The following NRCAM variants were observed in gnomAD, a reference collection of about 807,000 sequenced individuals.
NRCAM encodes neuronal cell adhesion molecule, also known as NgCAM-related cell adhesion molecule.
A neutral mutation model predicts 156.5 loss-of-function variants in NRCAM; 83 were observed. The observed-to-expected ratio is 0.53, with a 90% confidence interval of 0.44 to 0.64. The LOEUF (loss-of-function observed/expected upper bound fraction) is 0.64, where lower values mean the gene tolerates loss of function less well. NRCAM is among the 30% of genes least tolerant of loss of function. The probability of loss-of-function intolerance (pLI) is 0.00; values close to 1 mark genes in which losing one functional copy is unlikely to be tolerated. For missense variants in NRCAM, 1,417 were observed against 1,597.3 expected (o/e 0.89, Z 1.92); for synonymous variants, 538 against 563.9 (o/e 0.95, Z 0.65).
chr7:108,150,540 C>T (rs1435317642), intron 32 of NRCAM, among the ~76,000 whole-genome samples: 1 of 152,064 alleles, frequency 6.6e-6, no homozygotes, highest in Non-Finnish European at 1.5e-5. Flanking sequence ...TGTTAAACTG[C>T]ATAATATCTC....
intron 3 of NRCAM, among the ~76,000 whole-genome samples, chr7:108,260,951 G>C (rs888358870): frequency 3.3e-5 from 5 of 152,082 alleles, no homozygotes; most frequent in Non-Finnish European, 7.4e-5. Context: ...GTATCAATAA[G>C]AATCAACTGG....
chr7:108,439,372 T>G (rs1424345747), intron 1 of NRCAM, among the ~76,000 whole-genome samples: 1 of 152,150 alleles, frequency 6.6e-6, no homozygotes, highest in Non-Finnish European at 1.5e-5. Context: ...GAAAATATTT[T>G]TACAAAACAA....
At chr7:108,401,199 C>T (rs552223763) in intron 1 of NRCAM, among the ~76,000 whole-genome samples, 20 of 152,244 alleles carry the variant, frequency 1.3e-4, no homozygotes, top group African/African-American at 4.6e-4. Context: ...GAGATGGCGC[C>T]ACTGCACCAG....
chr7:108,349,257 T>C (rs1387976707), intron 2 of NRCAM, among the ~76,000 whole-genome samples: 1 of 152,042 alleles, frequency 6.6e-6, no homozygotes, highest in African/African-American at 2.4e-5. Flanking sequence ...TCTTTAAATT[T>C]GTGTAGTTAT....
Position 108,191,131 on chromosome 7 carries a change from C to G in NRCAM, c.1933+123G>C, listed in dbSNP as rs188610064. ...GTAAATGGGTGACACAACATAACAA[C>G]TGACAGAGACCTTTTCCTTAAGAAA... On this transcript the variant is annotated intron_variant, in intron 19 of 32. Transcript: ENST00000379028. The G allele has an allele frequency of 4.5e-4, 317 of 705,720 alleles. No homozygotes were observed. The African/African-American group carries it at 5.2e-3, about 12-fold the overall frequency. 43.7% of individuals were successfully genotyped at this position (705,720 alleles called of 1,614,324 possible).
chr7:108,419,041 C>T (rs939632588), intron 1 of NRCAM, among the ~76,000 whole-genome samples: 1 of 152,170 alleles, frequency 6.6e-6, no homozygotes, highest in African/African-American at 2.4e-5. Context: ...TTCACACACA[C>T]ACACAAAAAA....
chr7:108,297,967 T>G (rs2098484669), intron 3 of NRCAM, among the ~76,000 whole-genome samples: 1 of 152,164 alleles, frequency 6.6e-6, no homozygotes, highest in South Asian at 2.1e-4. Flanking sequence ...AAAGACCCTG[T>G]GGTGGGAGCA....
intron 28 of NRCAM, among the ~76,000 whole-genome samples, chr7:108,170,815 C>A (rs574944075): frequency 6.6e-6 from 1 of 151,428 alleles, no homozygotes; most frequent in African/African-American, 2.4e-5. Context: ...ACTTAGAGAA[C>A]GAGTGTAGAA....
chr7:108,274,134 T>C (rs2097493991), intron 3 of NRCAM, among the ~76,000 whole-genome samples: 1 of 152,238 alleles, frequency 6.6e-6, no homozygotes, highest in African/African-American at 2.4e-5. Context: ...ACTGTTTTGG[T>C]TACTGTAGCC....
chr7:108,161,781 TA>T (rs111958316), intron 30 of NRCAM, among the ~76,000 whole-genome samples: 24,278 of 151,846 alleles, frequency 0.16, 2,593 homozygotes, highest in African/African-American at 0.31. Flanking sequence ...AGAGGAAGGT[TA>T]AAAAAAATAT....
intron 1 of NRCAM, among the ~76,000 whole-genome samples, chr7:108,447,048 A>G (rs1598408410): frequency 2.0e-5 from 3 of 152,028 alleles, no homozygotes; most frequent in South Asian, 2.1e-4. Context: ...CCTCTTTACT[A>G]ATTTTTATTC....
intron 1 of NRCAM, among the ~76,000 whole-genome samples, chr7:108,403,922 A>C (rs2099800185): frequency 6.6e-6 from 1 of 152,186 alleles, no homozygotes; most frequent in Non-Finnish European, 1.5e-5. Context: ...TTTAGTTCTC[A>C]GTCAGCCTCA....
chr7:108,177,624 AATATATATATATATAT>A (rs59391934), intron 26 of NRCAM, among the ~76,000 whole-genome samples: 11,094 of 79,182 alleles, frequency 0.14, 582 homozygotes, highest in African/African-American at 0.17. Flanking sequence ...CTCCATCTCA[AATATATATATATATAT>A]ATATATATAT....
At chr7:108,218,027 G>A (rs1230536307) in intron 11 of NRCAM, among the ~76,000 whole-genome samples, 1 of 152,152 alleles carries the variant, frequency 6.6e-6, no homozygotes, top group Non-Finnish European at 1.5e-5. Context: ...TTTTTTGCTT[G>A]AAACCCAGTG....
intron 15 of NRCAM, 137 bp from the exon 16 acceptor site, chr7:108,194,565 G>T: frequency 1.7e-6 from 1 of 588,778 alleles, no homozygotes; most frequent in Non-Finnish European, 2.9e-6. Flanking sequence ...ACTTTTGAAA[G>T]TATCAATAGG....
At chr7:108,187,678 G>C (rs572747624) in intron 20 of NRCAM, among the ~76,000 whole-genome samples, 3 of 152,182 alleles carry the variant, frequency 2.0e-5, no homozygotes, top group Non-Finnish European at 4.4e-5. Flanking sequence ...GTGGCCGGGC[G>C]CAGTGGCTCA....
intron 30 of NRCAM, among the ~76,000 whole-genome samples, chr7:108,161,738 G>A (rs945651116): frequency 5.9e-5 from 9 of 151,732 alleles, no homozygotes; most frequent in African/African-American, 2.2e-4. Context: ...CAAAGTTTAG[G>A]GAGAAAAAGG....
At chr7:108,394,022 T>C (rs1367990321) in intron 2 of NRCAM, among the ~76,000 whole-genome samples, 3 of 152,136 alleles carry the variant, frequency 2.0e-5, no homozygotes, top group African/African-American at 4.8e-5. Context: ...TGGGCCGTGG[T>C]GCTGTCACAA....
chr7:108,191,061 T>C (rs979937944), intron 19 of NRCAM, among the ~76,000 whole-genome samples, 193 bp downstream of exon 19: 3 of 152,204 alleles, frequency 2.0e-5, no homozygotes, highest in African/African-American at 7.2e-5. Flanking sequence ...GGCAACGAAC[T>C]TGGTGAAAAA....
Sources: allele counts gnomAD v4.1 joint callset (sites outside exome capture counted in the v4.1 genomes callset), GRCh38; gene constraint gnomAD v4.1.1; transcripts MANE v1.5; gene names NCBI Gene and HGNC (gene_info 2026-07-23, HGNC 2026-07-21).